TLN2: variants seen among roughly 807,000 people sequenced by gnomAD.
TLN2 encodes talin 2.
In TLN2, 118 loss-of-function variants were observed where a neutral mutation model predicts 294.7. The ratio of observed to expected loss-of-function variants is 0.40; its 90% CI spans 0.34 to 0.47. The LOEUF is 0.47. Among genes scored for constraint, TLN2 ranks in the 20% least tolerant of loss-of-function variants. The pLI, the probability that TLN2 is intolerant of heterozygous loss-of-function variation, is 0.84. For synonymous variants in TLN2, 1,431 were observed against 1,304.5 expected, an observed-to-expected ratio of 1.10 and a Z score of -2.09; for missense variants, 3,083 against 3,282.2, an observed-to-expected ratio of 0.94 and a Z score of 1.48.
intron 32 of TLN2, among the ~76,000 whole-genome samples, chr15:62,746,972 G>C (rs1056720360): frequency 1.3e-5 from 2 of 152,142 alleles, no homozygotes; most frequent in African/African-American, 4.8e-5. Flanking sequence ...AGACAGCGTG[G>C]TATCGACAAA....
intron 54 of TLN2, chr15:62,824,171 A>G: frequency 3.0e-6 from 1 of 335,540 alleles, no homozygotes; most frequent in Non-Finnish European, 5.8e-6. Flanking sequence ...ATAGCATTTG[A>G]GACCTGTATC....
At chr15:62,405,276 G>A (rs576233065) in intron 1 of TLN2, among the ~76,000 whole-genome samples, 6 of 152,204 alleles carry the variant, frequency 3.9e-5, no homozygotes, top group East Asian at 1.9e-4. Flanking sequence ...AAACTGAATC[G>A]GGAGCCCTAG....
At chr15:62,792,297 A>G (rs1298324235) in intron 45 of TLN2, among the ~76,000 whole-genome samples, 1 of 152,258 alleles carries the variant, frequency 6.6e-6, no homozygotes, top group Non-Finnish European at 1.5e-5. Context: ...TGCTTGTTGA[A>G]TGAATAACAG....
At chr15:62,632,193 T>C (rs2049965569) in intron 3 of TLN2, among the ~76,000 whole-genome samples, 1 of 152,248 alleles carries the variant, frequency 6.6e-6, no homozygotes, top group Non-Finnish European at 1.5e-5. Flanking sequence ...TTCTGGGGAC[T>C]AGTGCCCCTG....
intron 45 of TLN2, among the ~76,000 whole-genome samples, chr15:62,786,496 AT>A (rs1257036607): frequency 2.0e-5 from 3 of 152,200 alleles, no homozygotes; most frequent in Non-Finnish European, 4.4e-5. Context: ...GCAATTTAAG[AT>A]TATTTTCCCC....
chr15:62,843,584 C>A lies in TLN2; in HGVS notation c.*2974C>A, dbSNP rs1348814036. On this transcript the variant is annotated 3_prime_UTR_variant, in exon 59 of 59. Transcript: ENST00000636159. Reference sequence around the variant, plus strand: ...AAATGAGCTGCCTGTAGCCTCACGGCATATGCTTTTATCAGGGAAAACCCT... The same window carrying A: ...AAATGAGCTGCCTGTAGCCTCACGGAATATGCTTTTATCAGGGAAAACCCT... 1 of 152,310 alleles carries A rather than the reference C, an allele frequency of 6.6e-6. No individual in the cohort carries two copies. The highest frequency in any genetic ancestry group is 2.4e-5 in the African/African-American group (1 of 41,462). The allele number at this position is 152,310 out of a possible 1,614,324, so 9.4% of individuals were successfully genotyped here. A position where few individuals can be genotyped will look rare whatever the true frequency, so the allele number is the denominator to read the frequency against.
At chr15:62,653,077 T>C in intron 6 of TLN2, 85 bp from the exon 7 acceptor site, 1 of 1,165,670 alleles carries the variant, frequency 8.6e-7, no homozygotes, top group Non-Finnish European at 1.2e-6. Flanking sequence ...CACCAGGAGC[T>C]CCTTGGAATA....
chr15:62,729,177 T>A (rs941032790), intron 28 of TLN2, among the ~76,000 whole-genome samples: 1 of 152,234 alleles, frequency 6.6e-6, no homozygotes, highest in African/African-American at 2.4e-5. Context: ...TGGTATTTGT[T>A]CTTTTCCATC....
chr15:62,688,329 A>AT (rs1469971024), intron 12 of TLN2, among the ~76,000 whole-genome samples: 1 of 151,940 alleles, frequency 6.6e-6, no homozygotes, highest in African/African-American at 2.4e-5. Context: ...TCTTTCTACT[A>AT]TTGATTTTTT....
In TLN2 at chr15:62,692,811, C is replaced by CT. The variant is rs143861875; in HGVS notation, c.1114-28dup. On this transcript the variant is annotated intron_variant, in intron 12 of 58. Transcript: ENST00000636159. ...TAAAATGCTGATATATCTGATTTGG[C>CT]TATATTTCCTCCATTGCTGTCTTTT... 2.2e-3 allele frequency: 3,448 copies of CT among 1,573,838 alleles called. 67 individuals are homozygous for CT. The African/African-American group carries it at 0.038, about 18-fold the overall frequency.
chr15:62,514,869 A>C (rs945857293), intron 1 of TLN2, among the ~76,000 whole-genome samples: 26 of 152,214 alleles, frequency 1.7e-4, no homozygotes, highest in African/African-American at 6.0e-4. Flanking sequence ...GAAAACTTTC[A>C]ACTTTCCCAG....
At chr15:62,721,284 A>G (rs188534814) in intron 25 of TLN2, among the ~76,000 whole-genome samples, 3 of 152,360 alleles carry the variant, frequency 2.0e-5, no homozygotes, top group East Asian at 1.9e-4. Flanking sequence ...TTAGCAGTAT[A>G]TAGAGCATGC....
chr15:62,785,168 C>T (rs1050741551), intron 45 of TLN2, among the ~76,000 whole-genome samples: 1 of 152,078 alleles, frequency 6.6e-6, no homozygotes, highest in South Asian at 2.1e-4. Flanking sequence ...AGTGTGAAGT[C>T]ACTACCAAGA....
chr15:62,655,924 T>G lies in TLN2; in HGVS notation c.518-20T>G, dbSNP rs1567276188. The G allele has an allele frequency of 6.2e-7, 1 of 1,613,874 alleles. No homozygotes were observed. The highest frequency in any genetic ancestry group is 8.5e-7 in the Non-Finnish European group (1 of 1,179,794). On this transcript the variant is annotated intron_variant, in intron 7 of 58. Coordinates refer to ENST00000636159, the MANE Select transcript of TLN2 (RefSeq NM_015059.3). ...AGGAAAAATAAACACAGTTCTCTTA[T>G]ATGTCTTGTTGTGTTGCAGTAAATT...
At chr15:62,456,258 T>C (rs2036474624) in intron 1 of TLN2, among the ~76,000 whole-genome samples, 1 of 152,216 alleles carries the variant, frequency 6.6e-6, no homozygotes, top group Non-Finnish European at 1.5e-5. Context: ...TTCTGTAATC[T>C]GAAGCTTCTC....
intron 45 of TLN2, among the ~76,000 whole-genome samples, chr15:62,787,321 G>A (rs535414372): frequency 1.3e-5 from 2 of 152,200 alleles, no homozygotes; most frequent in South Asian, 4.2e-4. Context: ...TTAAGGCTTG[G>A]GAAAAACCAG....
At chr15:62,813,516 A>C (rs924686587) in intron 52 of TLN2, among the ~76,000 whole-genome samples, 6 of 152,148 alleles carry the variant, frequency 3.9e-5, no homozygotes, top group African/African-American at 1.4e-4. Context: ...TTGAGACTGA[A>C]AAGATCCAAA....
chr15:62,428,514 C>A (rs955946838), intron 1 of TLN2, among the ~76,000 whole-genome samples: 3 of 152,228 alleles, frequency 2.0e-5, no homozygotes, highest in Admixed American at 2.0e-4. Flanking sequence ...CGTGAAGCCA[C>A]GTGCCTTGAT....
chr15:62,467,354 A>G (rs1036278728), intron 1 of TLN2, among the ~76,000 whole-genome samples: 1 of 152,174 alleles, frequency 6.6e-6, no homozygotes, highest in Non-Finnish European at 1.5e-5. Flanking sequence ...AACCTAAGAT[A>G]TCTTATTGGA....
Sources: gnomAD v4.1 joint callset for allele counts (sites outside exome capture counted in the v4.1 genomes callset) on GRCh38, gnomAD v4.1.1 for gene constraint, MANE v1.5 for transcripts, NCBI Gene and HGNC (gene_info 2026-07-23, HGNC 2026-07-21) for gene names.